Variants in CYP2J2 observed in about 807,000 individuals in gnomAD.
CYP2J2 encodes cytochrome P450 2J2.
Under a neutral mutation model 48.8 loss-of-function variants are expected in CYP2J2, and 41 were observed. The ratio of observed to expected loss-of-function variants is 0.84; its 90% CI spans 0.66 to 1.09. The LOEUF is 1.09. Ranked by LOEUF, CYP2J2 falls within the 50% of genes least tolerant of loss-of-function variation. The pLI is 0.00. For missense variants in CYP2J2, 644 were observed against 617.3 expected (o/e 1.04, Z -0.46); for synonymous variants, 221 against 227.1 (o/e 0.97, Z 0.24).
At chr1:59,908,359 G>A (rs549142226) in intron 5 of CYP2J2, among the ~76,000 whole-genome samples, 5 of 152,304 alleles carry the variant, frequency 3.3e-5, no homozygotes, top group African/African-American at 1.2e-4. Context: ...AGGGCATTAT[G>A]AATTATATGA....
the CYP2J2 span, among the ~76,000 whole-genome samples, chr1:59,955,296 A>G: frequency 9.1e-6 from 1 of 109,754 alleles, no homozygotes; most frequent in Non-Finnish European, 1.8e-5. Context: ...ATATATCCAT[A>G]TATATATATC....
At chr1:59,953,858 T>A in the CYP2J2 span, among the ~76,000 whole-genome samples, 1 of 151,930 alleles carries the variant, frequency 6.6e-6, no homozygotes, top group Non-Finnish European at 1.5e-5. Flanking sequence ...ATGGAGAGAT[T>A]TTAGGCCATA....
chr1:59,895,339 A>G (rs1164699321), intron 8 of CYP2J2, among the ~76,000 whole-genome samples: 5 of 152,216 alleles, frequency 3.3e-5, no homozygotes, highest in African/African-American at 1.2e-4. Context: ...TGTTTTGTAA[A>G]TGCCTCTCAT....
chr1:59,950,556 G>A, the CYP2J2 span, among the ~76,000 whole-genome samples: 1 of 152,202 alleles, frequency 6.6e-6, no homozygotes, highest in African/African-American at 2.4e-5. Flanking sequence ...ATCTCTTGCA[G>A]TAATGAGGTA....
chr1:59,893,562 T>A lies in CYP2J2; in HGVS notation c.*89A>T, dbSNP rs1644241856. On this transcript the variant is annotated 3_prime_UTR_variant, in exon 9 of 9. Coordinates refer to ENST00000371204, the MANE Select transcript of CYP2J2 (RefSeq NM_000775.4). ...ATCTTTCTTGAAAGTCACTTTCATT[T>A]TGTCCCAACACATCTGAGCAGACAC... The A allele has an allele frequency of 6.2e-6, 6 of 967,986 alleles. No individual in the cohort carries two copies. The highest frequency in any genetic ancestry group is 8.8e-6 in the Non-Finnish European group (6 of 681,246). 60.0% of individuals were successfully genotyped at this position (967,986 alleles called of 1,614,324 possible).
intron 8 of CYP2J2, among the ~76,000 whole-genome samples, chr1:59,898,649 A>G (rs181126069): frequency 6.6e-6 from 1 of 152,370 alleles, no homozygotes; most frequent in East Asian, 1.9e-4. Flanking sequence ...TTCTAGTCGT[A>G]CTAGAGAGAA....
At chr1:59,968,545 A>T in the CYP2J2 span, among the ~76,000 whole-genome samples, 8 of 151,984 alleles carry the variant, frequency 5.3e-5, no homozygotes. Context: ...ATACTCCAGA[A>T]GATTTCTCCC....
chr1:59,909,445 G>A (rs1265853168), intron 5 of CYP2J2, among the ~76,000 whole-genome samples: 2 of 152,200 alleles, frequency 1.3e-5, no homozygotes, highest in East Asian at 3.8e-4. Context: ...ATGTCAGGAT[G>A]GAAGCAGATA....
chr1:59,893,565 T>C lies in CYP2J2; in HGVS notation c.*86A>G, dbSNP rs1266990274. 1.3e-5 allele frequency: 13 copies of C among 1,001,672 alleles called. No homozygotes were observed. The highest frequency in any genetic ancestry group is 1.8e-5 in the Non-Finnish European group (13 of 705,170). 62.0% of individuals were successfully genotyped at this position (1,001,672 alleles called of 1,614,324 possible). On this transcript the variant is annotated 3_prime_UTR_variant, in exon 9 of 9. Coordinates refer to ENST00000371204, the MANE Select transcript of CYP2J2 (RefSeq NM_000775.4). Reference sequence around the variant, plus strand: ...TTTCTTGAAAGTCACTTTCATTTTGTCCCAACACATCTGAGCAGACACCAG... The same window carrying C: ...TTTCTTGAAAGTCACTTTCATTTTGCCCCAACACATCTGAGCAGACACCAG...
chr1:59,908,423 G>A (rs1299584468), intron 5 of CYP2J2, among the ~76,000 whole-genome samples: 2 of 152,168 alleles, frequency 1.3e-5, no homozygotes, highest in Non-Finnish European at 2.9e-5. Context: ...TAACAGAAAA[G>A]GCAAATGGAA....
At chr1:59,968,663 G>A in the CYP2J2 span, among the ~76,000 whole-genome samples, 1 of 152,256 alleles carries the variant, frequency 6.6e-6, no homozygotes, top group African/African-American at 2.4e-5. Context: ...ACCAGAGGAT[G>A]GAGCTGTGGG....
intron 1 of CYP2J2, among the ~76,000 whole-genome samples, chr1:59,916,771 C>A (rs867505985): frequency 1.5e-4 from 23 of 152,046 alleles, no homozygotes; most frequent in Middle Eastern, 3.2e-3. Context: ...TAACCCCAAG[C>A]ATCCTAGAGT....
chr1:59,952,337 A>G, the CYP2J2 span, among the ~76,000 whole-genome samples: 1 of 145,876 alleles, frequency 6.9e-6, no homozygotes. Context: ...ACTTCCCTGG[A>G]GCATATTTGC....
chr1:59,963,738 T>C, the CYP2J2 span, among the ~76,000 whole-genome samples: 3 of 152,254 alleles, frequency 2.0e-5, no homozygotes, highest in East Asian at 5.8e-4. Context: ...CGGCCTCAAG[T>C]GTAGCCCTGG....
chr1:59,968,212 C>A, the CYP2J2 span, among the ~76,000 whole-genome samples: 1 of 152,152 alleles, frequency 6.6e-6, no homozygotes, highest in African/African-American at 2.4e-5. Flanking sequence ...TTCTTTAAAA[C>A]AGATCTTCAA....
At chr1:59,944,942 T>A in the CYP2J2 span, among the ~76,000 whole-genome samples, 1 of 152,202 alleles carries the variant, frequency 6.6e-6, no homozygotes, top group South Asian at 2.1e-4. Flanking sequence ...GTATATCCCA[T>A]AATACACTAA....
chr1:59,943,493 C>T, the CYP2J2 span, among the ~76,000 whole-genome samples: 1 of 152,098 alleles, frequency 6.6e-6, no homozygotes, highest in Non-Finnish European at 1.5e-5. Context: ...CAGAGATTAG[C>T]ACGAGTGGTC....
chr1:59,919,982 T>C (rs920756250), intron 1 of CYP2J2, among the ~76,000 whole-genome samples: 1 of 151,986 alleles, frequency 6.6e-6, no homozygotes, highest in Non-Finnish European at 1.5e-5. Flanking sequence ...TCAAAGTCTC[T>C]TGGGAGAGAC....
chr1:59,897,169 C>T (rs1644276891), intron 8 of CYP2J2, among the ~76,000 whole-genome samples: 1 of 152,144 alleles, frequency 6.6e-6, no homozygotes, highest in Non-Finnish European at 1.5e-5. Context: ...ATCTCTTTAT[C>T]CATCACAAAT....
Sources: allele counts gnomAD v4.1 joint callset (sites outside exome capture counted in the v4.1 genomes callset), GRCh38; gene constraint gnomAD v4.1.1; transcripts MANE v1.5; gene names NCBI Gene and HGNC (gene_info 2026-07-23, HGNC 2026-07-21).